Variants in IL17RE observed in about 807,000 individuals in gnomAD.
IL17RE encodes interleukin-17 receptor E.
IL17RE carries 47 observed loss-of-function variants against 70.7 expected under a neutral mutation model. The observed-to-expected ratio is 0.67, with a 90% confidence interval of 0.53 to 0.85. IL17RE has a LOEUF of 0.85. Among genes scored for constraint, IL17RE ranks in the 40% least tolerant of loss-of-function variants. The pLI, the probability that IL17RE is intolerant of heterozygous loss-of-function variation, is 0.00. For synonymous variants in IL17RE, 372 were observed against 381.2 expected (o/e 0.98, Z 0.28); for missense variants, 850 against 893.9 (o/e 0.95, Z 0.63).
chr3:9,909,373 ACC>A lies in IL17RE; in HGVS notation c.802+93_802+94del. On this transcript the variant is annotated intron_variant, in intron 8 of 15. Transcript: ENST00000383814. ...CACATGTACACACACACACACACAC[ACC>A]CCGCACTTCACACATGTGCTGGGGG... 9.4e-6 allele frequency: 10 copies of A among 1,069,096 alleles called. No homozygotes were observed. In the South Asian group the frequency reaches 1.1e-4, roughly 12 times the overall value. The allele number at this position is 1,069,096 out of a possible 1,614,324, so 66.2% of individuals were successfully genotyped here.
chr3:9,912,910 T>A lies in IL17RE; in HGVS notation c.1228-1046T>A, dbSNP rs997197837. 5.3e-5 allele frequency among the ~76,000 whole-genome samples: 8 copies of A among 152,296 alleles called. No individual in the cohort carries two copies. In the East Asian group the frequency reaches 5.8e-4, roughly 11 times the overall value. ...AATTAAAATTCTGTCCAATTTAGTA[T>A]GCTTTGTGCCCACCCTGTAGCAGGC... is the stretch of plus-strand genomic sequence containing the variant. On this transcript the variant is annotated intron_variant, in intron 12 of 15. Coordinates refer to ENST00000383814, the MANE Select transcript of IL17RE (RefSeq NM_153480.2).
intron 13 of IL17RE, 127 bp from the exon 14 acceptor site, chr3:9,914,421 A>G: frequency 9.2e-6 from 14 of 1,525,492 alleles, no homozygotes; most frequent in Non-Finnish European, 1.2e-5. Context: ...TGGAGCAGAC[A>G]CAAACCCACC....
intron 3 of IL17RE, among the ~76,000 whole-genome samples, chr3:9,904,948 A>T (rs2082718436): frequency 6.6e-6 from 1 of 151,134 alleles, no homozygotes; most frequent in Admixed American, 6.6e-5. Context: ...TACAAAAATT[A>T]GCTGGATGTG....
In IL17RE at chr3:9,916,055, C is replaced by T; in HGVS notation, c.*248C>T. On this transcript the variant is annotated 3_prime_UTR_variant, in exon 16 of 16. Transcript: ENST00000383814. Reference sequence around the variant, plus strand: ...TGTTCTGATGGGGGAGGGCGGTCTTCCCACTTCCTCTCCAGAACTCCAGAA... The same window carrying T: ...TGTTCTGATGGGGGAGGGCGGTCTTTCCACTTCCTCTCCAGAACTCCAGAA... The T allele has an allele frequency of 3.9e-6, 2 of 506,586 alleles. No individual in the cohort carries two copies. The highest frequency in any genetic ancestry group is 6.3e-6 in the Non-Finnish European group (2 of 319,820). The allele number at this position is 506,586 out of a possible 1,614,324, so 31.4% of individuals were successfully genotyped here.
At chr3:9,903,351 A>G (rs1276677812) in intron 1 of IL17RE, 46 bp from the exon 2 acceptor site, 1 of 1,609,760 alleles carries the variant, frequency 6.2e-7, no homozygotes, top group African/African-American at 1.3e-5. Context: ...GTCTCTCCTA[A>G]TAATAGCTCT....
Position 9,906,420 on chromosome 3 carries a change from T to C in IL17RE, c.325T>C (p.Phe109Leu), listed in dbSNP as rs754374381. 20 of 1,613,888 alleles carry C rather than the reference T, an allele frequency of 1.2e-5. No homozygotes were observed. The highest frequency in any genetic ancestry group is 6.7e-5 in the Admixed American group (4 of 59,990). ...GCAGAAATCCAAAAAGTCTTCCACA[T>C]TCAAGTTCTATAGGAGACACAAGAT... ...LVQKSKKSST[F>L]KFYRRHKMPA... The change falls in exon 4 of 16, where the codon TTC (phenylalanine) becomes CTC (leucine). Residue 109 changes from phenylalanine (F) to leucine (L), a missense_variant. Phe to Leu is a conservative substitution (Grantham distance 22). Transcript: ENST00000383814.
chr3:9,914,990 C>A (rs562898010), intron 15 of IL17RE, among the ~76,000 whole-genome samples: 2 of 152,362 alleles, frequency 1.3e-5, no homozygotes, highest in Admixed American at 6.5e-5. Context: ...GTACAAAAGG[C>A]TAGTGGGGCA....
At chr3:9,902,693 G>T, upstream of IL17RE, 2 of 1,536,130 alleles carry the variant, frequency 1.3e-6, no homozygotes, top group Non-Finnish European at 1.7e-6. Flanking sequence ...TGTCTTTCAG[G>T]TGGGGGGCAG....
upstream of IL17RE, chr3:9,902,613 G>T: frequency 6.5e-7 from 1 of 1,536,112 alleles, no homozygotes; most frequent in Non-Finnish European, 8.7e-7. Context: ...GAGGGGCTAA[G>T]AAATGGGTGC....
At chr3:9,914,279 T>C in intron 13 of IL17RE, 2 of 783,360 alleles carry the variant, frequency 2.6e-6, no homozygotes, top group East Asian at 2.7e-5. Context: ...TGCCATCTGA[T>C]TGTTTCAGTC....
intron 1 of IL17RE, 68 bp downstream of exon 1, chr3:9,903,132 G>T: frequency 7.2e-7 from 1 of 1,398,558 alleles, no homozygotes; most frequent in Non-Finnish European, 1.0e-6. Flanking sequence ...TCCCCTGCCT[G>T]CCCTGTGCTA....
In IL17RE at chr3:9,902,910, G is replaced by C; in HGVS notation, c.-23G>C. ...TTCAGGCCATGCAGCCATGTTCCGG[G>C]AGCCCTAATTGCACAGAAGCCCATG... On this transcript the variant is annotated 5_prime_UTR_variant, in exon 1 of 16. Coordinates refer to ENST00000383814, the MANE Select transcript of IL17RE (RefSeq NM_153480.2). 6.2e-7 allele frequency: 1 copy of C among 1,614,190 alleles called. No homozygotes were observed. Among genetic ancestry groups the C allele is most frequent in the Non-Finnish European group, 8.5e-7 (1 of 1,180,022 alleles).
chr3:9,902,532 T>C (rs1559264657), upstream of IL17RE: 3 of 1,174,174 alleles, frequency 2.6e-6, no homozygotes, highest in Non-Finnish European at 3.7e-6. Flanking sequence ...GTGAAGCGCA[T>C]GTCTATGGGA....
intron 6 of IL17RE, 138 bp downstream of exon 6, chr3:9,907,238 A>G (rs2082781224): frequency 8.6e-7 from 1 of 1,159,438 alleles, no homozygotes; most frequent in African/African-American, 1.5e-5. Context: ...TGAAGGGTCT[A>G]TCATTAAGAC....
In IL17RE at chr3:9,915,865, G is replaced by T; in HGVS notation, c.*58G>T. On this transcript the variant is annotated 3_prime_UTR_variant, in exon 16 of 16. Transcript: ENST00000383814. This position sits in a 1 kb window ranked among gnomAD's most constrained non-coding sequence, Gnocchi z 4.9. ...GCCGCAACGCAACGGACACTGGCTG[G>T]AACCCCGGAATGAGCCTTCGACCCT... 6.9e-7 allele frequency: 1 copy of T among 1,440,880 alleles called. No homozygotes were observed. The highest frequency in any genetic ancestry group is 2.8e-5 in the Admixed American group (1 of 36,236). The allele number at this position is 1,440,880 out of a possible 1,614,324, so 89.3% of individuals were successfully genotyped here. A position where few individuals can be genotyped will look rare whatever the true frequency, so the allele number is the denominator to read the frequency against.
Position 9,915,255 on chromosome 3 carries a change from G to A in IL17RE, c.1452G>A (p.Pro484=). The A allele has an allele frequency of 1.4e-6, 2 of 1,391,412 alleles. No individual in the cohort carries two copies. Among genetic ancestry groups the A allele is most frequent in the Non-Finnish European group, 1.9e-6 (2 of 1,080,280 alleles). 86.2% of individuals were successfully genotyped at this position (1,391,412 alleles called of 1,614,324 possible). A position where few individuals can be genotyped will look rare whatever the true frequency, so the allele number is the denominator to read the frequency against. Residue 484 remains proline, a synonymous_variant, in exon 16 of 16, where the codon CCG becomes CCA. Transcript: ENST00000383814. This position sits in a 1 kb window ranked among gnomAD's most constrained non-coding sequence, Gnocchi z 4.9. ...ALTCRRPQSG[P]GPARPVLLLH... ...TCTGTTGCTTCCCGCCACCAGGCCC[G>A]GGCCCAGCGCGGCCAGTGCTCCTCC...
chr3:9,906,541 A>G (rs2082762163), intron 4 of IL17RE, 80 bp downstream of exon 4: 2 of 1,386,036 alleles, frequency 1.4e-6, no homozygotes, highest in Non-Finnish European at 2.0e-6. Context: ...TTCTCCAGCC[A>G]TGTGAGACAG....
intron 3 of IL17RE, among the ~76,000 whole-genome samples, chr3:9,904,993 G>A (rs2125072222): frequency 6.7e-6 from 1 of 149,466 alleles, no homozygotes; most frequent in South Asian, 2.1e-4. Context: ...TACTTGGGAA[G>A]CTGAGGTGGG....
At chr3:9,914,261 GA>G in intron 13 of IL17RE, 1 of 724,062 alleles carries the variant, frequency 1.4e-6, no homozygotes. Flanking sequence ...CAATGGCCTG[GA>G]GCTCAGTGCC....
Sources: gnomAD v4.1 joint callset for allele counts (sites outside exome capture counted in the v4.1 genomes callset) on GRCh38, gnomAD v4.1.1 for gene constraint, Gnocchi (gnomAD v3.1) non-coding constraint, MANE v1.5 for transcripts, NCBI Gene and HGNC (gene_info 2026-07-23, HGNC 2026-07-21) for gene names.